CTCF: variants seen among roughly 807,000 people sequenced by gnomAD.
The protein encoded by CTCF is CCCTC-binding factor, also known as transcriptional repressor CTCF.
In CTCF, 7 loss-of-function variants were observed where a neutral mutation model predicts 72.3. The observed-to-expected ratio is 0.10, with a 90% CI of 0.06 to 0.18. CTCF has a LOEUF of 0.18. Among genes scored for constraint, CTCF ranks in the 10% least tolerant of loss-of-function variants. The pLI is 1.00. For missense variants in CTCF, 516 were observed against 949.1 expected, an observed-to-expected ratio of 0.54 and a Z score of 6.00; for synonymous variants, 374 against 315.8, an observed-to-expected ratio of 1.18 and a Z score of -1.95.
At chr16:67,636,591 T>TA (rs1417479681) in intron 10 of CTCF, 99 bp from the exon 11 acceptor site, 15 of 380,660 alleles carry the variant, frequency 3.9e-5, no homozygotes, top group Non-Finnish European at 4.9e-5. Context: ...ATATATATAT[T>TA]TATAAAACAA....
chr16:67,569,894 C>T (rs1417898455), intron 1 of CTCF, among the ~76,000 whole-genome samples: 1 of 151,700 alleles, frequency 6.6e-6, no homozygotes, highest in Admixed American at 6.6e-5. Flanking sequence ...CCATGTTGGT[C>T]AGGCTGTTCT....
At chr16:67,604,244 G>A (rs778615581) in intron 2 of CTCF, among the ~76,000 whole-genome samples, 3 of 152,154 alleles carry the variant, frequency 2.0e-5, no homozygotes, top group Non-Finnish European at 4.4e-5. Context: ...AGGAGTTGGA[G>A]GTTACAGTGA....
At chr16:67,607,208 C>T (rs534826402) in intron 2 of CTCF, among the ~76,000 whole-genome samples, 25 of 152,008 alleles carry the variant, frequency 1.6e-4, no homozygotes, top group African/African-American at 5.5e-4. Flanking sequence ...CTGCCCGCCT[C>T]GGCCTCCCAA....
intron 2 of CTCF, among the ~76,000 whole-genome samples, chr16:67,607,544 G>A (rs1356317426): frequency 1.3e-5 from 2 of 151,632 alleles, no homozygotes; most frequent in African/African-American, 2.4e-5. Context: ...GGCCTCAACT[G>A]ATCCACCAGC....
At chr16:67,635,832 C>T (rs2052421513) in intron 10 of CTCF, among the ~76,000 whole-genome samples, 1 of 152,022 alleles carries the variant, frequency 6.6e-6, no homozygotes, top group Non-Finnish European at 1.5e-5. Flanking sequence ...CACTATGTTA[C>T]CCAAGCTGGT....
At chr16:67,579,330 T>C (rs1423477152) in intron 2 of CTCF, among the ~76,000 whole-genome samples, 5 of 152,066 alleles carry the variant, frequency 3.3e-5, no homozygotes, top group Admixed American at 3.3e-4. Flanking sequence ...TCTAGACGTT[T>C]GAGTTGTTTT....
intron 2 of CTCF, among the ~76,000 whole-genome samples, chr16:67,588,237 G>GT (rs2051694736): frequency 6.6e-6 from 1 of 152,200 alleles, no homozygotes; most frequent in Non-Finnish European, 1.5e-5. Flanking sequence ...ATTCATAAAA[G>GT]TACCTGTTAG....
chr16:67,630,685 A>G (rs1302323053), intron 10 of CTCF, among the ~76,000 whole-genome samples: 1 of 151,970 alleles, frequency 6.6e-6, no homozygotes, highest in Non-Finnish European at 1.5e-5. Context: ...AGCCCGGGAA[A>G]TTGAGGCTGC....
intron 7 of CTCF, among the ~76,000 whole-genome samples, chr16:67,623,751 AAAAT>A (rs1381800503): frequency 6.6e-6 from 1 of 151,990 alleles, no homozygotes; most frequent in Non-Finnish European, 1.5e-5. Flanking sequence ...CCCGTCTCTT[AAAAT>A]AAATAAAAAT....
intron 2 of CTCF, among the ~76,000 whole-genome samples, chr16:67,592,428 A>C (rs946446413): frequency 6.6e-6 from 1 of 151,702 alleles, no homozygotes; most frequent in African/African-American, 2.4e-5. Context: ...AAATAAGGCC[A>C]GGCACAGTGG....
At chr16:67,584,211 A>G (rs2051629469) in intron 2 of CTCF, among the ~76,000 whole-genome samples, 1 of 151,120 alleles carries the variant, frequency 6.6e-6, no homozygotes, top group Non-Finnish European at 1.5e-5. Context: ...AATCCCAGCT[A>G]CTCGGGAGAC....
chr16:67,631,150 G>GTGT (rs2052356545), intron 10 of CTCF, among the ~76,000 whole-genome samples: 1 of 132,534 alleles, frequency 7.5e-6, no homozygotes, highest in African/African-American at 3.2e-5. Flanking sequence ...TTTGTTCTTT[G>GTGT]TTTGTTTTTT....
intron 7 of CTCF, among the ~76,000 whole-genome samples, chr16:67,623,930 C>T (rs558588357): frequency 1.3e-4 from 20 of 151,646 alleles, no homozygotes; most frequent in Non-Finnish European, 2.2e-4. Context: ...TGCCTGTAGT[C>T]CCAGGTACTT....
chr16:67,597,864 A>G (rs1431578790), intron 2 of CTCF, among the ~76,000 whole-genome samples: 1 of 152,184 alleles, frequency 6.6e-6, no homozygotes, highest in Non-Finnish European at 1.5e-5. Context: ...CATTATATGA[A>G]TTATGTAGCT....
At chr16:67,573,726 C>T (rs1431287735) in intron 2 of CTCF, among the ~76,000 whole-genome samples, 2 of 151,700 alleles carry the variant, frequency 1.3e-5, no homozygotes, top group Non-Finnish European at 2.9e-5. Context: ...TAACAACCAC[C>T]ATCAACACAA....
intron 2 of CTCF, among the ~76,000 whole-genome samples, chr16:67,585,848 A>G (rs1254552160): frequency 1.3e-5 from 2 of 152,120 alleles, no homozygotes; most frequent in Non-Finnish European, 2.9e-5. Flanking sequence ...TTGAGAGTAT[A>G]AAATAATAGT....
intron 2 of CTCF, among the ~76,000 whole-genome samples, chr16:67,586,093 C>G (rs912477404): frequency 4.6e-5 from 7 of 152,264 alleles, no homozygotes; most frequent in Admixed American, 2.0e-4. Flanking sequence ...TTGTTTTAAT[C>G]ATCTTGGTTC....
At chr16:67,610,760 A>G in intron 2 of CTCF, 64 bp from the exon 3 acceptor site, 2 of 1,231,268 alleles carry the variant, frequency 1.6e-6, no homozygotes, top group East Asian at 5.0e-5. Context: ...TTTGTTTTAA[A>G]ATGTATATTT....
At chr16:67,587,751 C>T (rs962623497) in intron 2 of CTCF, among the ~76,000 whole-genome samples, 1 of 151,956 alleles carries the variant, frequency 6.6e-6, no homozygotes, top group African/African-American at 2.4e-5. Flanking sequence ...TAGCAAGACC[C>T]CATTCTCCAC....
Sources: allele counts gnomAD v4.1 joint callset (sites outside exome capture counted in the v4.1 genomes callset), GRCh38; gene constraint gnomAD v4.1.1; transcripts MANE v1.5; gene names NCBI Gene and HGNC (gene_info 2026-07-23, HGNC 2026-07-21).